Variants in NFIB observed in about 807,000 individuals in gnomAD.
The protein encoded by NFIB is nuclear factor 1 B-type.
A neutral mutation model predicts 61.5 loss-of-function variants in NFIB; 11 were observed. The ratio of observed to expected loss-of-function variants is 0.18; its 90% confidence interval spans 0.11 to 0.30. The LOEUF is 0.30. Ranked by LOEUF, NFIB falls within the 10% of genes least tolerant of loss-of-function variation. The pLI is 1.00. For synonymous variants in NFIB, 260 were observed against 216.5 expected, an observed-to-expected ratio of 1.20 and a Z score of -1.76; for missense variants, 471 against 608.9, an observed-to-expected ratio of 0.77 and a Z score of 2.38.
At chr9:14,468,825 G>A in the NFIB span, among the ~76,000 whole-genome samples, 1 of 152,194 alleles carries the variant, frequency 6.6e-6, no homozygotes, top group African/African-American at 2.4e-5. Flanking sequence ...ATAGGTGAGG[G>A]AACTAAGACT....
chr9:14,406,546 T>C, the NFIB span, among the ~76,000 whole-genome samples: 1 of 152,276 alleles, frequency 6.6e-6, no homozygotes, highest in African/African-American at 2.4e-5. Flanking sequence ...GTGCTGTGTG[T>C]AGAAGGAAAC....
rs1199102596 is a variant in NFIB at position 14,155,854 on chromosome 9, T to C, written c.656A>G (p.Asn219Ser). 1.2e-5 allele frequency: 19 copies of C among 1,588,224 alleles called. No individual in the cohort carries two copies. The highest frequency in any genetic ancestry group is 6.8e-5 in the East Asian group (3 of 44,306). ...EDSFVKSGVF[N>S]VSELVRVSRT... The stretch of plus-strand genomic sequence containing the variant: ...GGATACTCTTACAAGTTCTGATACA[T>C]TGAAGACTCCAGATTTTACAAAACT... Residue 219 changes from asparagine (N) to serine (S), a missense_variant, in exon 4 of 11, where the codon AAT (asparagine) becomes AGT (serine). By Grantham distance (46) the Asn-to-Ser change is conservative. Transcript: ENST00000380953.
At chr9:14,395,511 T>C (rs1287723435) in intron 1 of NFIB, among the ~76,000 whole-genome samples, 1 of 151,878 alleles carries the variant, frequency 6.6e-6, no homozygotes, top group African/African-American at 2.4e-5. Flanking sequence ...TGAAGCCACA[T>C]GTTTTTCTCG....
the NFIB span, among the ~76,000 whole-genome samples, chr9:14,515,818 A>T: frequency 6.6e-6 from 1 of 152,184 alleles, no homozygotes; most frequent in Non-Finnish European, 1.5e-5. Context: ...AGCTTTGGCC[A>T]CCCAGAACAC....
the NFIB span, among the ~76,000 whole-genome samples, chr9:14,437,163 G>C: frequency 6.6e-6 from 1 of 152,180 alleles, no homozygotes; most frequent in African/African-American, 2.4e-5. Flanking sequence ...TGAGCTTTCA[G>C]ATTCTTTATG....
chr9:14,472,436 G>A, the NFIB span, among the ~76,000 whole-genome samples: 2 of 152,188 alleles, frequency 1.3e-5, no homozygotes, highest in Non-Finnish European at 2.9e-5. Flanking sequence ...CAATTGTACA[G>A]TGATTTTATG....
At chr9:14,266,754 T>TCA (rs552726124) in intron 2 of NFIB, among the ~76,000 whole-genome samples, 91 of 152,240 alleles carry the variant, frequency 6.0e-4, no homozygotes, top group African/African-American at 2.1e-3. Flanking sequence ...ACATCTATCA[T>TCA]CACCAAGTTC....
At chr9:14,171,158 A>G (rs2045524080) in intron 3 of NFIB, among the ~76,000 whole-genome samples, 6 of 152,230 alleles carry the variant, frequency 3.9e-5, no homozygotes, top group Admixed American at 2.6e-4. Context: ...CACAAATCTG[A>G]CTTGCTGAAA....
chr9:14,406,412 G>A, the NFIB span, among the ~76,000 whole-genome samples: 2 of 152,166 alleles, frequency 1.3e-5, no homozygotes, highest in Non-Finnish European at 2.9e-5. Context: ...CAGATAGCTG[G>A]GCCATGGTGA....
chr9:14,512,891 T>G, the NFIB span, among the ~76,000 whole-genome samples: 1 of 148,066 alleles, frequency 6.8e-6, no homozygotes, highest in African/African-American at 2.5e-5. Context: ...ATTTGAAACT[T>G]CGAAAGAATT....
intron 10 of NFIB, among the ~76,000 whole-genome samples, chr9:14,095,752 T>C (rs1278014012): frequency 6.6e-6 from 1 of 152,146 alleles, no homozygotes; most frequent in Non-Finnish European, 1.5e-5. Context: ...AAGGTGAAAC[T>C]TACTTGTATC....
At chr9:14,471,731 T>A in the NFIB span, among the ~76,000 whole-genome samples, 1 of 152,222 alleles carries the variant, frequency 6.6e-6, no homozygotes, top group Non-Finnish European at 1.5e-5. Flanking sequence ...GCCTTGGAAC[T>A]CATCCGGGAA....
chr9:14,275,873 T>C (rs1375017647), intron 2 of NFIB, among the ~76,000 whole-genome samples: 1 of 151,870 alleles, frequency 6.6e-6, no homozygotes. Flanking sequence ...AATCCTATTA[T>C]GCCAAAAGAC....
chr9:14,260,364 G>A (rs1382042353), intron 2 of NFIB, among the ~76,000 whole-genome samples: 1 of 152,164 alleles, frequency 6.6e-6, no homozygotes, highest in East Asian at 1.9e-4. Context: ...TATGAAATGT[G>A]ACCAAAGTCT....
intron 2 of NFIB, among the ~76,000 whole-genome samples, chr9:14,286,863 G>A (rs1278648772): frequency 1.3e-5 from 2 of 152,130 alleles, no homozygotes; most frequent in East Asian, 1.9e-4. Flanking sequence ...CTTTTTAAAT[G>A]TCAGTGTTCA....
chr9:14,295,480 A>C (rs1478957608), intron 2 of NFIB, among the ~76,000 whole-genome samples: 2 of 151,692 alleles, frequency 1.3e-5, no homozygotes, highest in African/African-American at 2.4e-5. Context: ...CAAAAAAAAA[A>C]CTCAGCCGGG....
chr9:14,424,330 T>G, the NFIB span, among the ~76,000 whole-genome samples: 1 of 152,166 alleles, frequency 6.6e-6, no homozygotes, highest in Non-Finnish European at 1.5e-5. Flanking sequence ...CAGAACACTG[T>G]TTCTAGGAGA....
chr9:14,409,217 A>G, the NFIB span, among the ~76,000 whole-genome samples: 1 of 152,316 alleles, frequency 6.6e-6, no homozygotes, highest in African/African-American at 2.4e-5. Flanking sequence ...AGTATTTATT[A>G]GCTTGCTTTT....
At chr9:14,175,163 A>ATTT (rs375736787) in intron 3 of NFIB, among the ~76,000 whole-genome samples, 1,504 of 102,032 alleles carry the variant, frequency 0.015, 265 homozygotes, top group Middle Eastern at 0.034. Flanking sequence ...GACTTAAAGA[A>ATTT]TTTCTTTTTT....
Sources: allele counts gnomAD v4.1 joint callset (sites outside exome capture counted in the v4.1 genomes callset), GRCh38; gene constraint gnomAD v4.1.1; transcripts MANE v1.5; gene names NCBI Gene and HGNC (gene_info 2026-07-23, HGNC 2026-07-21).